The following DDX10 variants were observed in gnomAD, a reference collection of about 807,000 sequenced individuals.
The protein encoded by DDX10 is DEAD-box helicase 10.
DDX10 carries 74 observed loss-of-function variants against 104.3 expected under a neutral mutation model. The ratio of observed to expected loss-of-function variants is 0.71; its 90% CI spans 0.59 to 0.86. The LOEUF is 0.86. DDX10 is among the 40% of genes least tolerant of loss of function. The probability of loss-of-function intolerance (pLI) is 0.00; values close to 1 mark genes in which losing one functional copy is unlikely to be tolerated. For missense variants in DDX10, 952 were observed against 1,040.0 expected, an observed-to-expected ratio of 0.92 and a Z score of 1.16; for synonymous variants, 351 against 353.4, an observed-to-expected ratio of 0.99 and a Z score of 0.08.
chr11:108,769,868 C>T (rs1222835336), intron 13 of DDX10, among the ~76,000 whole-genome samples: 2 of 152,116 alleles, frequency 1.3e-5, no homozygotes, highest in African/African-American at 4.8e-5. Context: ...TTATTCAATA[C>T]TTGTTAATTT....
chr11:108,788,955 T>C (rs886399144), intron 13 of DDX10, among the ~76,000 whole-genome samples: 4 of 152,128 alleles, frequency 2.6e-5, no homozygotes, highest in African/African-American at 9.7e-5. Context: ...CTTTGTTAGA[T>C]GTTCTGGTCC....
At chr11:108,831,421 CAAAAAAAAAAAAA>C (rs779264219) in intron 13 of DDX10, among the ~76,000 whole-genome samples, 2 of 69,824 alleles carry the variant, frequency 2.9e-5, no homozygotes, top group African/African-American at 6.5e-5. Context: ...GAGACTGTCT[CAAAAAAAAAAAAA>C]AAAAAAAAAA....
chr11:108,922,555 A>G lies in DDX10; in HGVS notation c.2450+4537A>G, dbSNP rs374881767. Among the ~76,000 whole-genome samples the G allele has an allele frequency of 3.3e-5, 5 of 152,246 alleles. No individual in the cohort carries two copies. The East Asian group carries it at 5.8e-4, about 18-fold the overall frequency. On this transcript the variant is annotated intron_variant, in intron 17 of 17. Transcript: ENST00000322536. ...TGGAGAATGACAGAATCTGGGGTCAATAGTTCCCCCTCAGGGAGGGCTGAC... is the reference window on the plus strand; with the variant it reads ...TGGAGAATGACAGAATCTGGGGTCAGTAGTTCCCCCTCAGGGAGGGCTGAC...
chr11:108,842,170 T>C lies in DDX10; in HGVS notation c.2247+694T>C, dbSNP rs149380052. On this transcript the variant is annotated intron_variant, in intron 15 of 17. Transcript: ENST00000322536. The stretch of plus-strand genomic sequence containing the variant: ...TGGCAGTTTTCTGTTATCCTTGATA[T>C]AGTGGTCACACATGATATTGTTATA... Among the ~76,000 whole-genome samples the C allele has an allele frequency of 3.3e-3, 502 of 152,344 alleles. 1 individual carries two copies. The highest frequency in any genetic ancestry group is 0.011 in the African/African-American group (472 of 41,582).
chr11:108,929,367 C>T (rs1863948525), intron 17 of DDX10, among the ~76,000 whole-genome samples: 1 of 152,168 alleles, frequency 6.6e-6, no homozygotes, highest in Non-Finnish European at 1.5e-5. Flanking sequence ...TTGCAAGCCA[C>T]CTCTGGGAGG....
At chr11:108,739,913 T>C (rs1193566511) in intron 13 of DDX10, among the ~76,000 whole-genome samples, 2 of 152,080 alleles carry the variant, frequency 1.3e-5, no homozygotes, top group East Asian at 3.9e-4. Flanking sequence ...TTATCTTAAA[T>C]TTTAGATTTT....
At chr11:108,834,773 A>T (rs1862527338) in intron 13 of DDX10, among the ~76,000 whole-genome samples, 1 of 151,712 alleles carries the variant, frequency 6.6e-6, no homozygotes, top group Non-Finnish European at 1.5e-5. Flanking sequence ...TAAAAATACA[A>T]AAAAATTAGC....
At chr11:108,824,289 T>C (rs1862366627) in intron 13 of DDX10, among the ~76,000 whole-genome samples, 1 of 152,150 alleles carries the variant, frequency 6.6e-6, no homozygotes, top group African/African-American at 2.4e-5. Context: ...GCGATCCACC[T>C]ACCTTGGCCT....
At chr11:108,679,899 A>G (rs564910329) in intron 6 of DDX10, among the ~76,000 whole-genome samples, 1 of 152,290 alleles carries the variant, frequency 6.6e-6, no homozygotes, top group Admixed American at 6.5e-5. Flanking sequence ...AAACAGTTTT[A>G]TTTCTATTTC....
chr11:108,755,652 A>G (rs1257451286), intron 13 of DDX10, among the ~76,000 whole-genome samples: 1 of 151,958 alleles, frequency 6.6e-6, no homozygotes, highest in African/African-American at 2.4e-5. Flanking sequence ...CAGTTAGATG[A>G]TTTTCAGATG....
chr11:108,811,534 C>T (rs1028850623), intron 13 of DDX10, among the ~76,000 whole-genome samples: 69 of 152,258 alleles, frequency 4.5e-4, no homozygotes, highest in African/African-American at 1.5e-3. Flanking sequence ...CATCCTCTGC[C>T]ATGATCTGGC....
chr11:108,885,596 A>G (rs1308096287), intron 16 of DDX10, among the ~76,000 whole-genome samples: 1 of 151,912 alleles, frequency 6.6e-6, no homozygotes, highest in East Asian at 1.9e-4. Flanking sequence ...GCTGGTCTAG[A>G]ATTCCTGACC....
At chr11:108,872,650 A>G (rs1291454758) in intron 16 of DDX10, among the ~76,000 whole-genome samples, 5 of 152,150 alleles carry the variant, frequency 3.3e-5, no homozygotes, top group Admixed American at 3.3e-4. Flanking sequence ...TATTTCTGGC[A>G]CTAGTATCAT....
At chr11:108,716,328 T>C (rs1056433239) in intron 11 of DDX10, among the ~76,000 whole-genome samples, 1 of 152,184 alleles carries the variant, frequency 6.6e-6, no homozygotes, top group Admixed American at 6.5e-5. Context: ...CTTGAACTCC[T>C]GAGCTCAGGT....
intron 16 of DDX10, among the ~76,000 whole-genome samples, chr11:108,858,686 C>T (rs368450088): frequency 2.0e-5 from 3 of 152,166 alleles, no homozygotes; most frequent in Non-Finnish European, 4.4e-5. Context: ...GAATCCTTCA[C>T]GCATGCCTTA....
chr11:108,864,424 T>C (rs1205316353), intron 16 of DDX10, among the ~76,000 whole-genome samples: 2 of 151,008 alleles, frequency 1.3e-5, no homozygotes, highest in Admixed American at 6.6e-5. Flanking sequence ...AAACTTTATA[T>C]ATATAGAATA....
intron 4 of DDX10, 152 bp downstream of exon 4, chr11:108,677,395 T>A (rs556632673): frequency 1.8e-4 from 115 of 645,114 alleles, no homozygotes; most frequent in Non-Finnish European, 2.6e-4. Flanking sequence ...GTCGCTGCTA[T>A]CTACGATCTG....
chr11:108,918,694 C>T (rs1863785403), intron 17 of DDX10: 1 of 152,040 alleles, frequency 6.6e-6, no homozygotes, highest in African/African-American at 2.4e-5. Flanking sequence ...TGACAAATTC[C>T]TTCACTTTAA....
chr11:108,900,845 C>G (rs1863508162), intron 16 of DDX10, among the ~76,000 whole-genome samples: 1 of 152,184 alleles, frequency 6.6e-6, no homozygotes, highest in South Asian at 2.1e-4. Flanking sequence ...AGAAGGGTGA[C>G]TTGGTACCTT....
Sources: gnomAD v4.1 joint callset for allele counts (sites outside exome capture counted in the v4.1 genomes callset) on GRCh38, gnomAD v4.1.1 for gene constraint, MANE v1.5 for transcripts, NCBI Gene and HGNC (gene_info 2026-07-23, HGNC 2026-07-21) for gene names.